HHLA2: variants seen among roughly 807,000 people sequenced by gnomAD.
HHLA2 encodes HHLA2 member of B7 family.
HHLA2 carries 48 observed loss-of-function variants against 45.9 expected under a neutral mutation model. The ratio of observed to expected loss-of-function variants is 1.05; its 90% confidence interval spans 0.83 to 1.33. HHLA2 has a LOEUF of 1.33. Among genes scored for constraint, HHLA2 ranks in the 40% most tolerant of loss-of-function variants. HHLA2 has a pLI of 0.00. For missense variants in HHLA2, 462 were observed against 494.3 expected (o/e 0.93, Z 0.62); for synonymous variants, 161 against 173.9 (o/e 0.93, Z 0.59).
intron 8 of HHLA2, among the ~76,000 whole-genome samples, chr3:108,366,027 T>C (rs1225107574): frequency 6.6e-6 from 1 of 151,898 alleles, no homozygotes; most frequent in African/African-American, 2.4e-5. Flanking sequence ...TGTTGAACTA[T>C]GGTGAGAGAA....
intron 8 of HHLA2, among the ~76,000 whole-genome samples, chr3:108,363,981 T>C (rs2082021465): frequency 6.6e-6 from 1 of 152,014 alleles, no homozygotes; most frequent in African/African-American, 2.4e-5. Context: ...ACTTCTTTTT[T>C]TTTTTTTCTT....
chr3:108,359,636 C>T (rs12633397), intron 7 of HHLA2, among the ~76,000 whole-genome samples: 9,682 of 152,164 alleles, frequency 0.064, 1,006 homozygotes, highest in East Asian at 0.44. Context: ...GGGCAAATAT[C>T]CTTACAGATG....
intron 8 of HHLA2, among the ~76,000 whole-genome samples, chr3:108,369,572 G>C (rs1281941922): frequency 3.3e-5 from 5 of 152,228 alleles, no homozygotes; most frequent in Admixed American, 2.0e-4. Context: ...GTCAAAGAAA[G>C]GGGTGACAGA....
intron 1 of HHLA2, among the ~76,000 whole-genome samples, chr3:108,304,419 G>A (rs1390969714): frequency 6.6e-6 from 1 of 152,058 alleles, no homozygotes; most frequent in Non-Finnish European, 1.5e-5. Flanking sequence ...GCGACTCCTG[G>A]TGTTCCTTGT....
chr3:108,325,938 G>T, intron 2 of HHLA2: 1 of 382,636 alleles, frequency 2.6e-6, no homozygotes, highest in Admixed American at 2.9e-5. Context: ...TCATGATTGT[G>T]GCCATTCACA....
At chr3:108,372,201 C>G (rs2082188596) in intron 8 of HHLA2, among the ~76,000 whole-genome samples, 1 of 152,222 alleles carries the variant, frequency 6.6e-6, no homozygotes, top group African/African-American at 2.4e-5. Flanking sequence ...TACATGGAAA[C>G]TGAACAACCT....
intron 8 of HHLA2, among the ~76,000 whole-genome samples, chr3:108,366,658 G>T (rs556248165): frequency 1.5e-4 from 23 of 152,262 alleles, no homozygotes; most frequent in South Asian, 4.1e-4. Context: ...TTCAGAACTT[G>T]TTATTGGTTT....
intron 2 of HHLA2, among the ~76,000 whole-genome samples, chr3:108,323,899 A>T (rs765312953): frequency 2.0e-5 from 3 of 152,216 alleles, no homozygotes; most frequent in Non-Finnish European, 2.9e-5. Context: ...TAATCACTTC[A>T]TGGGTATCCA....
In HHLA2 at chr3:108,352,141, A is replaced by G. The variant is rs2081789845; in HGVS notation, c.64+264A>G. ...TTCACTGGAAAGGCAAGTTTGATTG[A>G]TTGATTTTTTTTTTTTTAAGTGTAA... On this transcript the variant is annotated intron_variant, in intron 4 of 10. Transcript: ENST00000619531. Among the ~76,000 whole-genome samples the G allele has an allele frequency of 5.7e-5, 3 of 53,076 alleles. No individual in the cohort carries two copies. In the South Asian group the frequency reaches 1.3e-3, roughly 23 times the overall value. 34.8% of individuals were successfully genotyped at this position (53,076 alleles called of 152,430 possible).
chr3:108,374,088 G>T (rs969854695), intron 8 of HHLA2, among the ~76,000 whole-genome samples: 32 of 151,360 alleles, frequency 2.1e-4, no homozygotes, highest in African/African-American at 7.3e-4. Flanking sequence ...ATACTACAAG[G>T]CTACAGTAAC....
At chr3:108,361,657 T>C (rs2107482579) in intron 7 of HHLA2, among the ~76,000 whole-genome samples, 1 of 152,224 alleles carries the variant, frequency 6.6e-6, no homozygotes, top group South Asian at 2.1e-4. Context: ...GTGTATAGTA[T>C]GCATAGCGTT....
rs528815375 is a variant in HHLA2, at chr3:108,323,120, C to T, written c.-104-5150C>T. 8.3e-5 allele frequency among the ~76,000 whole-genome samples: 12 copies of T among 143,790 alleles called. No individual in the cohort carries two copies. The South Asian group carries it at 2.6e-3, about 31-fold the overall frequency. 94.3% of individuals were successfully genotyped at this position (143,790 alleles called of 152,430 possible). A position where few individuals can be genotyped will look rare whatever the true frequency, so the allele number is the denominator to read the frequency against. ...CATTTCTTAAAAAACAAAAACAATC[C>T]TTCCCATAGTGGGGGGGTCTGTGGT... On this transcript the variant is annotated intron_variant, in intron 2 of 10. Transcript: ENST00000619531.
At chr3:108,342,373 C>T (rs1249604836) in intron 3 of HHLA2, among the ~76,000 whole-genome samples, 1 of 149,914 alleles carries the variant, frequency 6.7e-6, no homozygotes, top group Admixed American at 6.8e-5. Context: ...AAGTGATTCT[C>T]CTGCCTCAGC....
At chr3:108,328,217 C>T in intron 2 of HHLA2, 1 of 766,902 alleles carries the variant, frequency 1.3e-6, no homozygotes, top group Non-Finnish European at 2.0e-6. Context: ...TTTTACTGGT[C>T]ATCTGGGGCA....
At chr3:108,313,279 C>T (rs376289520) in intron 2 of HHLA2, among the ~76,000 whole-genome samples, 10 of 152,212 alleles carry the variant, frequency 6.6e-5, no homozygotes, top group South Asian at 2.1e-4. Flanking sequence ...CTTGTACCAA[C>T]GAGCAGGATT....
chr3:108,311,938 A>G (rs377207016), intron 2 of HHLA2: 1 of 151,786 alleles, frequency 6.6e-6, no homozygotes, highest in Non-Finnish European at 1.5e-5. Flanking sequence ...GCCCTTCCTC[A>G]CTCTGCTATG....
chr3:108,335,856 A>G (rs948511820), intron 3 of HHLA2, among the ~76,000 whole-genome samples: 1 of 152,092 alleles, frequency 6.6e-6, no homozygotes, highest in African/African-American at 2.4e-5. Flanking sequence ...TTCCCTCATC[A>G]AAGCAGACCA....
At chr3:108,375,648 T>C in intron 8 of HHLA2, 102 bp from the exon 8 acceptor site, 2 of 1,393,016 alleles carry the variant, frequency 1.4e-6, no homozygotes, top group Non-Finnish European at 1.9e-6. Context: ...AACCAGAGAG[T>C]GACTTTCAAT....
chr3:108,324,453 A>G (rs570034211), intron 2 of HHLA2, among the ~76,000 whole-genome samples: 5 of 152,288 alleles, frequency 3.3e-5, no homozygotes, highest in African/African-American at 1.2e-4. Flanking sequence ...AGTGCACAAA[A>G]CATAGCTAAA....
Sources: gnomAD v4.1 joint callset for allele counts (sites outside exome capture counted in the v4.1 genomes callset) on GRCh38, gnomAD v4.1.1 for gene constraint, MANE v1.5 for transcripts, NCBI Gene and HGNC (gene_info 2026-07-23, HGNC 2026-07-21) for gene names.